Variants in C5 observed in about 807,000 individuals in gnomAD.
C5 encodes C3 and PZP-like alpha-2-macroglobulin domain-containing protein 4.
Under a neutral mutation model 218.8 loss-of-function variants are expected in C5, and 140 were observed. The observed-to-expected ratio is 0.64, with a 90% CI of 0.56 to 0.74. The LOEUF is 0.74. Among genes scored for constraint, C5 ranks in the 30% least tolerant of loss-of-function variants. The pLI is 0.00. For missense variants in C5, 1,700 were observed against 1,969.6 expected (o/e 0.86, Z 2.59); for synonymous variants, 614 against 682.3 (o/e 0.90, Z 1.56).
Position 120,989,221 on chromosome 9 carries a change from T to C in C5, c.3155-100A>G, listed in dbSNP as rs1044116255. On this transcript the variant is annotated intron_variant, in intron 24 of 40. Transcript: ENST00000223642. ...TGAGAATGGTAAGCTTCCTTTGGTG[T>C]TGGGCAGCAAGCATATGCTCTGTGG... is the stretch of plus-strand genomic sequence containing the variant. 11 of 939,298 alleles carry C rather than the reference T, an allele frequency of 1.2e-5. No individual in the cohort carries two copies. In the Admixed American group the frequency reaches 1.3e-4, roughly 11 times the overall value. 58.2% of individuals were successfully genotyped at this position (939,298 alleles called of 1,614,324 possible).
intron 25 of C5, among the ~76,000 whole-genome samples, chr9:120,985,947 C>G (rs1245506430): frequency 6.6e-6 from 1 of 152,216 alleles, no homozygotes; most frequent in Non-Finnish European, 1.5e-5. Flanking sequence ...TAGCTGACCA[C>G]TAGATGGCCC....
intron 15 of C5, among the ~76,000 whole-genome samples, chr9:121,015,811 G>A (rs2047302183): frequency 6.6e-6 from 1 of 152,184 alleles, no homozygotes; most frequent in Admixed American, 6.6e-5. Context: ...TCTAGTCCCT[G>A]CAATAGCCTC....
chr9:121,069,528 CTTT>C, the C5 span, among the ~76,000 whole-genome samples: 1 of 143,252 alleles, frequency 7.0e-6, no homozygotes. Context: ...AAAAGAAACT[CTTT>C]TTTTTTTTTT....
At chr9:120,994,324 T>C (rs1314971147) in intron 22 of C5, among the ~76,000 whole-genome samples, 1 of 152,194 alleles carries the variant, frequency 6.6e-6, no homozygotes, top group Non-Finnish European at 1.5e-5. Flanking sequence ...GGCTCACGCC[T>C]GTAGTCCCAG....
At chr9:120,972,096 C>T (rs2046919282) in intron 30 of C5, 104 bp from the exon 31 acceptor site, 11 of 861,340 alleles carry the variant, frequency 1.3e-5, no homozygotes, top group South Asian at 1.2e-4. Context: ...CCTCCTCTCT[C>T]AGAGCTCTTC....
intron 13 of C5, 47 bp from the exon 14 acceptor site, chr9:121,017,558 C>T (rs1363462952): frequency 1.2e-6 from 2 of 1,607,904 alleles, no homozygotes; most frequent in African/African-American, 1.3e-5. Context: ...TTGTATGAGA[C>T]AAGACTTTTC....
In C5 at chr9:121,002,261, T is replaced by TAC. The variant is rs1491288286; in HGVS notation, c.2562+3657_2562+3658insGT. The stretch of plus-strand genomic sequence containing the variant: ...ATGTATATGTATATATATGTATATA[T>TAC]GTATATATATGTATATATACGTATA... On this transcript the variant is annotated intron_variant, in intron 20 of 40. Coordinates refer to ENST00000223642, the MANE Select transcript of C5 (RefSeq NM_001735.3). Among the ~76,000 whole-genome samples, 30 of 102,220 alleles carry TAC rather than the reference T, an allele frequency of 2.9e-4. 1 individual carries two copies. The highest frequency in any genetic ancestry group is 2.2e-3 in the East Asian group (6 of 2,714). The allele number at this position is 102,220 out of a possible 152,430, so 67.1% of individuals were successfully genotyped here. A position where few individuals can be genotyped will look rare whatever the true frequency, so the allele number is the denominator to read the frequency against.
At chr9:121,008,000 T>C (rs903211535) in intron 18 of C5, among the ~76,000 whole-genome samples, 2 of 152,214 alleles carry the variant, frequency 1.3e-5, no homozygotes, top group Admixed American at 6.5e-5. Context: ...TTCAGTGGTA[T>C]AGAGGAAGTG....
At chr9:120,970,344 C>G (rs1177929773) in intron 31 of C5, 93 bp from the exon 32 acceptor site, 3 of 805,916 alleles carry the variant, frequency 3.7e-6, no homozygotes, top group Non-Finnish European at 6.5e-6. Flanking sequence ...ATGGGATGCT[C>G]GAAGGATCAT....
At chr9:121,020,342 G>A (rs1262922924) in intron 11 of C5, among the ~76,000 whole-genome samples, 163 bp from the exon 12 acceptor site, 1 of 152,154 alleles carries the variant, frequency 6.6e-6, no homozygotes, top group Non-Finnish European at 1.5e-5. Context: ...ATACAGCTGT[G>A]GTGTCAAGCA....
the C5 span, among the ~76,000 whole-genome samples, chr9:121,067,520 C>T: frequency 3.3e-5 from 5 of 150,282 alleles, no homozygotes; most frequent in African/African-American, 4.9e-5. Context: ...GCCGAGATCG[C>T]GCCACTGCAT....
chr9:121,012,404 C>T (rs1564150881), intron 17 of C5, among the ~76,000 whole-genome samples: 1 of 152,126 alleles, frequency 6.6e-6, no homozygotes, highest in Non-Finnish European at 1.5e-5. Context: ...ATCCCAGCTA[C>T]TTGGGAGGCT....
intron 6 of C5, among the ~76,000 whole-genome samples, chr9:121,031,485 T>A (rs1399331559): frequency 6.6e-6 from 1 of 152,176 alleles, no homozygotes; most frequent in Non-Finnish European, 1.5e-5. Context: ...TTTCTCCTAA[T>A]AATAATCACA....
At chr9:120,980,651 T>C (rs928318993) in intron 27 of C5, among the ~76,000 whole-genome samples, 3 of 152,152 alleles carry the variant, frequency 2.0e-5, no homozygotes, top group Non-Finnish European at 4.4e-5. Flanking sequence ...AGTGCAGTGC[T>C]GCGATCTCGG....
upstream of C5, among the ~76,000 whole-genome samples, chr9:121,052,581 T>G (rs2047678064): frequency 6.6e-6 from 1 of 152,180 alleles, no homozygotes; most frequent in Admixed American, 6.5e-5. Flanking sequence ...GGCAGAAAGT[T>G]TGGTGGTCAC....
Position 121,025,487 on chromosome 9 carries a change from G to A in C5, c.967C>T (p.Leu323Phe), listed in dbSNP as rs901895951. Residue 323 changes from leucine to phenylalanine, a missense_variant, in exon 9 of 41, where the codon CTT becomes TTT. Physicochemically the swap from Leu to Phe is conservative, Grantham distance 22. Coordinates refer to ENST00000223642, the MANE Select transcript of C5 (RefSeq NM_001735.3). ...TCTATGACTGTTACAGCAATATAAA[G>A]GTACTTGTTGTTTAAATCTTCTAAA... ...YSLEDLNNKYLYIAVTVIEST... is the reference protein window; with the variant it reads ...YSLEDLNNKYFYIAVTVIEST... 6.2e-7 allele frequency: 1 copy of A among 1,610,594 alleles called. No individual in the cohort carries two copies. The highest frequency in any genetic ancestry group is 8.5e-7 in the Non-Finnish European group (1 of 1,178,880).
chr9:121,001,405 T>C (rs1244870718), intron 20 of C5, among the ~76,000 whole-genome samples: 2 of 152,120 alleles, frequency 1.3e-5, no homozygotes, highest in Non-Finnish European at 2.9e-5. Flanking sequence ...ACAAATGAAA[T>C]GAGGTTCAAC....
chr9:121,049,474 A>T (rs2047655319), intron 1 of C5, among the ~76,000 whole-genome samples: 1 of 152,220 alleles, frequency 6.6e-6, no homozygotes, highest in East Asian at 1.9e-4. Flanking sequence ...ATATATTTAC[A>T]TGTATACATT....
At chr9:121,030,537 T>C in intron 6 of C5, 50 bp from the exon 7 acceptor site, 1 of 1,100,936 alleles carries the variant, frequency 9.1e-7, no homozygotes, top group Non-Finnish European at 1.3e-6. Flanking sequence ...TAGAGCAGAC[T>C]TTAAAGCCTA....
Sources: gnomAD v4.1 joint callset for allele counts (sites outside exome capture counted in the v4.1 genomes callset) on GRCh38, gnomAD v4.1.1 for gene constraint, MANE v1.5 for transcripts, NCBI Gene and HGNC (gene_info 2026-07-23, HGNC 2026-07-21) for gene names.